Variants in TTYH2 observed in about 807,000 individuals in gnomAD.
TTYH2 encodes the protein tweety family member 2, also known as protein tweety homolog 2.
Under a neutral mutation model 68.3 loss-of-function variants are expected in TTYH2, and 49 were observed. The observed-to-expected ratio is 0.72, with a 90% confidence interval of 0.57 to 0.91. The LOEUF is 0.91. Ranked by LOEUF, TTYH2 falls within the 40% of genes least tolerant of loss-of-function variation. The pLI is 0.00. For missense variants in TTYH2, 631 were observed against 700.4 expected (o/e 0.90, Z 1.12); for synonymous variants, 272 against 300.8 (o/e 0.90, Z 0.99).
intron 6 of TTYH2, chr17:74,248,153 C>A: frequency 3.6e-6 from 2 of 552,990 alleles, no homozygotes; most frequent in Non-Finnish European, 4.6e-6. Context: ...GCCCGGGGAG[C>A]ATGTGCCAGA....
At chr17:74,229,623 G>A (rs2050366997) in intron 2 of TTYH2, among the ~76,000 whole-genome samples, 1 of 152,144 alleles carries the variant, frequency 6.6e-6, no homozygotes, top group Non-Finnish European at 1.5e-5. Flanking sequence ...CAACGAAGAT[G>A]TCTTTAACAG....
rs1598238637 is a variant in TTYH2 at position 74,260,292 on chromosome 17, C to T, written c.*83C>T. ...ACAAGCTGCGTTTCTTTAATAGAAA[C>T]CAAAGGCATCTGGAGCCCGAGAGGC... On this transcript the variant is annotated 3_prime_UTR_variant, in exon 14 of 14. Coordinates refer to ENST00000269346, the MANE Select transcript of TTYH2 (RefSeq NM_032646.6). 2.8e-6 allele frequency: 4 copies of T among 1,448,280 alleles called. No individual in the cohort carries two copies. In the East Asian group the frequency reaches 9.1e-5, roughly 33 times the overall value. The allele number at this position is 1,448,280 out of a possible 1,614,324, so 89.7% of individuals were successfully genotyped here.
chr17:74,224,725 C>T (rs982100938), intron 2 of TTYH2, among the ~76,000 whole-genome samples: 2 of 152,150 alleles, frequency 1.3e-5, no homozygotes, highest in Non-Finnish European at 2.9e-5. Flanking sequence ...GAGGGCTGGG[C>T]GTGGTGGCTC....
In TTYH2 at chr17:74,222,631, G is replaced by A. The variant is rs137871085; in HGVS notation, c.276G>A (p.Thr92=). ...KQHHSCCITW[T]AVVAGLICCA... is the part of the protein sequence containing the mutation. The stretch of plus-strand genomic sequence containing the variant: ...ACCACTCCTGCTGCATCACCTGGAC[G>A]GCCGTGGTGGCCGGGCTCATCTGCT... Residue 92 remains threonine, a synonymous_variant, in exon 2 of 14, where the codon ACG becomes ACA. Coordinates refer to ENST00000269346, the MANE Select transcript of TTYH2 (RefSeq NM_032646.6). The surrounding 1 kb of genome is among the most constrained non-coding windows in gnomAD (Gnocchi z 5.2). The A allele has an allele frequency of 2.6e-5, 42 of 1,610,142 alleles. 2 individuals are homozygous for A. The highest frequency in any genetic ancestry group is 1.3e-4 in the East Asian group (6 of 44,884).
At chr17:74,242,002 CA>C (rs1290039670) in intron 4 of TTYH2, among the ~76,000 whole-genome samples, 1 of 152,180 alleles carries the variant, frequency 6.6e-6, no homozygotes, top group African/African-American at 2.4e-5. Context: ...AGCAGGAGGG[CA>C]GGGCCTTTGA....
intron 11 of TTYH2, 46 bp downstream of exon 11, chr17:74,252,422 T>G (rs1289988301): frequency 3.8e-6 from 6 of 1,598,608 alleles, no homozygotes; most frequent in African/African-American, 1.3e-5. Context: ...CCTGGAGTTC[T>G]GGGAGAGCAG....
Position 74,222,455 on chromosome 17 carries a change from G to C in TTYH2, c.130-30G>C. ...CAGAGCCCCGCACTGCAGGGATGAA[G>C]AGTGACAACAGGCCTCTGCTCTCTT... On this transcript the variant is annotated intron_variant, in intron 1 of 13. Coordinates refer to ENST00000269346, the MANE Select transcript of TTYH2 (RefSeq NM_032646.6). The surrounding 1 kb of genome is among the most constrained non-coding windows in gnomAD (Gnocchi z 5.2). 1 of 1,589,316 alleles carries C rather than the reference G, an allele frequency of 6.3e-7. No homozygotes were observed. The highest frequency in any genetic ancestry group is 1.1e-5 in the South Asian group (1 of 88,914).
intron 4 of TTYH2, 29 bp from the exon 5 acceptor site, chr17:74,243,345 C>T: frequency 6.3e-7 from 1 of 1,598,284 alleles, no homozygotes; most frequent in South Asian, 1.1e-5. Flanking sequence ...CACCCTGCTG[C>T]TCCTGACCAT....
At position 74,213,875 on chromosome 17, in the gene TTYH2, C is replaced by T. The variant is rs970949807; in HGVS notation, c.129+159C>T. 1.4e-4 allele frequency among the ~76,000 whole-genome samples: 21 copies of T among 152,086 alleles called. No homozygotes were observed. The highest frequency in any genetic ancestry group is 2.8e-4 in the Non-Finnish European group (19 of 68,018). On this transcript the variant is annotated intron_variant, in intron 1 of 13. Transcript: ENST00000269346. This position sits in a 1 kb window ranked among gnomAD's most constrained non-coding sequence, Gnocchi z 6.1. ...CCCCTCTCCCCTTTTCCCCCACCCTCCCAGGCCCGTGGCCCGCGTCCCCTC... is the reference window on the plus strand; with the variant it reads ...CCCCTCTCCCCTTTTCCCCCACCCTTCCAGGCCCGTGGCCCGCGTCCCCTC...
chr17:74,223,310 G>A (rs2050297759), intron 2 of TTYH2, among the ~76,000 whole-genome samples: 1 of 151,494 alleles, frequency 6.6e-6, no homozygotes, highest in African/African-American at 2.4e-5. Flanking sequence ...GGGCGGGGAA[G>A]AGACAGGCTT....
At chr17:74,252,100 A>G (rs2050636780) in intron 10 of TTYH2, 134 bp from the exon 11 acceptor site, 3 of 1,152,562 alleles carry the variant, frequency 2.6e-6, no homozygotes, top group African/African-American at 3.1e-5. Flanking sequence ...ATGGTGCTGC[A>G]AGGCGCTCGG....
rs1240036910 is a variant in TTYH2 at position 74,237,471 on chromosome 17, CT to C, written c.593del (p.Leu198ArgfsTer54). ...CGTGTGGAGGGAGGTCACCATGGAG[CT>C]GACCAAGCTATCCGACCAGACTGGC... is the stretch of plus-strand genomic sequence containing the variant. ...LPVWREVTME[L>X]TKLSDQTGYV... On this transcript the variant is annotated frameshift_variant, in exon 4 of 14. Coordinates refer to ENST00000269346, the MANE Select transcript of TTYH2 (RefSeq NM_032646.6). LOFTEE classifies it high-confidence loss of function. 1 of 1,613,904 alleles carries C rather than the reference CT, an allele frequency of 6.2e-7. No homozygotes were observed. Among genetic ancestry groups the C allele is most frequent in the Admixed American group, 1.7e-5 (1 of 59,992 alleles).
rs961615560 is a variant in TTYH2, at chr17:74,232,876, C to T, written c.414+1877C>T. 1.3e-5 allele frequency among the ~76,000 whole-genome samples: 2 copies of T among 152,212 alleles called. No homozygotes were observed. The highest frequency in any genetic ancestry group is 4.8e-5 in the African/African-American group (2 of 41,452). Reference sequence around the variant, plus strand: ...TGCCAGGGAGGGGAGCTGGAACGGGCCCCCAGGCTGGGGCCTCCCACCCCA... The same window carrying T: ...TGCCAGGGAGGGGAGCTGGAACGGGTCCCCAGGCTGGGGCCTCCCACCCCA... On this transcript the variant is annotated intron_variant, in intron 3 of 13. Transcript: ENST00000269346. The surrounding 1 kb of genome is among the most constrained non-coding windows in gnomAD (Gnocchi z 5.1).
chr17:74,243,585 GC>G, intron 5 of TTYH2, 116 bp downstream of exon 5: 1 of 1,023,524 alleles, frequency 9.8e-7, no homozygotes, highest in Non-Finnish European at 1.5e-6. Flanking sequence ...GCTGCCTGAG[GC>G]CACCTTCTGC....
chr17:74,252,961 C>T, intron 11 of TTYH2, 120 bp from the exon 12 acceptor site: 2 of 1,067,030 alleles, frequency 1.9e-6, no homozygotes, highest in South Asian at 1.4e-5. Flanking sequence ...AGAGGAGTCT[C>T]AAGGAGACAC....
Position 74,214,955 on chromosome 17 carries a change from G to T in TTYH2, c.129+1239G>T, listed in dbSNP as rs2050207321. ...CATCAGGCCCAGGCAGATGGTGCCTGCCCTACCAGAGGGAGGGGAGCATCA... is the reference window on the plus strand; with the variant it reads ...CATCAGGCCCAGGCAGATGGTGCCTTCCCTACCAGAGGGAGGGGAGCATCA... On this transcript the variant is annotated intron_variant, in intron 1 of 13. Transcript: ENST00000269346. This position sits in a 1 kb window ranked among gnomAD's most constrained non-coding sequence, Gnocchi z 4.6. Among the ~76,000 whole-genome samples the T allele has an allele frequency of 6.6e-6, 1 of 152,156 alleles. No individual in the cohort carries two copies. Among genetic ancestry groups the T allele is most frequent in the Admixed American group, 6.5e-5 (1 of 15,280 alleles).
chr17:74,240,631 TGC>T (rs751521160), intron 4 of TTYH2, among the ~76,000 whole-genome samples: 23,503 of 152,210 alleles, frequency 0.15, 1,856 homozygotes, highest in African/African-American at 0.16. Context: ...AGCATAACCA[TGC>T]AGCAAAGCAG....
rs1013739263 is a variant in TTYH2 at position 74,249,940 on chromosome 17, T to C, written c.935T>C (p.Leu312Pro). 6.2e-7 allele frequency: 1 copy of C among 1,613,710 alleles called. No homozygotes were observed. Among genetic ancestry groups the C allele is most frequent in the Non-Finnish European group, 8.5e-7 (1 of 1,179,938 alleles). Residue 312 changes from leucine to proline, a missense_variant, in exon 9 of 14, where the codon CTG becomes CCG. Leu to Pro is a moderately conservative substitution (Grantham distance 98). Transcript: ENST00000269346. ...GCTGTGTCTTTCCTGGCTCAGACCC[T>C]GACCACCTTCCAGCGCGCACTTACC... Reference protein sequence around the residue: ...QSGSSPFQQTLTTFQRALTTM... With the variant: ...QSGSSPFQQTPTTFQRALTTM...
At chr17:74,233,857 T>C (rs1212515377) in intron 3 of TTYH2, among the ~76,000 whole-genome samples, 1 of 152,084 alleles carries the variant, frequency 6.6e-6, no homozygotes, top group Non-Finnish European at 1.5e-5. Flanking sequence ...CTCCAGGCTC[T>C]CTCATGTGAG....
Sources: allele counts gnomAD v4.1 joint callset (sites outside exome capture counted in the v4.1 genomes callset), GRCh38; gene constraint gnomAD v4.1.1; non-coding constraint Gnocchi (gnomAD v3.1); transcripts MANE v1.5; gene names NCBI Gene and HGNC (gene_info 2026-07-23, HGNC 2026-07-21).